Variants in ESYT3 observed in about 807,000 individuals in gnomAD.
ESYT3 encodes extended synaptotagmin 3.
ESYT3 carries 101 observed loss-of-function variants against 111.5 expected under a neutral mutation model. The observed-to-expected ratio is 0.91, with a 90% CI of 0.77 to 1.07. The LOEUF (loss-of-function observed/expected upper bound fraction) is 1.07, where lower values mean the gene tolerates loss of function less well. Among genes scored for constraint, ESYT3 ranks in the 50% least tolerant of loss-of-function variants. ESYT3 has a pLI of 0.00. For synonymous variants in ESYT3, 416 were observed against 446.8 expected (o/e 0.93, Z 0.87); for missense variants, 1,097 against 1,109.4 (o/e 0.99, Z 0.16).
chr3:138,439,605 G>T (rs1402842530), intron 1 of ESYT3, among the ~76,000 whole-genome samples: 1 of 152,158 alleles, frequency 6.6e-6, no homozygotes, highest in African/African-American at 2.4e-5. Context: ...TCACTGACCC[G>T]TGAATTTCCA....
At chr3:138,438,898 G>A (rs1238193069) in intron 1 of ESYT3, among the ~76,000 whole-genome samples, 1 of 152,178 alleles carries the variant, frequency 6.6e-6, no homozygotes, top group Admixed American at 6.5e-5. Context: ...AAGAAGGCAG[G>A]GTGGCCCCCG....
At chr3:138,470,568 C>T in intron 16 of ESYT3, 2 of 1,166,044 alleles carry the variant, frequency 1.7e-6, no homozygotes, top group Non-Finnish European at 1.1e-6. Flanking sequence ...GAGCTGGGAT[C>T]TTTTAGGGCC....
rs184415371 is a variant in ESYT3, at chr3:138,436,935, G to A, written c.327+1810G>A. On this transcript the variant is annotated intron_variant, in intron 1 of 22. Coordinates refer to ENST00000389567, the MANE Select transcript of ESYT3 (RefSeq NM_031913.5). ...GATATTGGGTCAAAAATCAGATCGT[G>A]TAGGGGCGTGGACACCCTCCCTGCC... Among the ~76,000 whole-genome samples, 6 of 152,302 alleles carry A rather than the reference G, an allele frequency of 3.9e-5. No individual in the cohort carries two copies. The East Asian group carries it at 1.2e-3, about 29-fold the overall frequency.
intron 7 of ESYT3, among the ~76,000 whole-genome samples, chr3:138,461,113 A>G (rs969369968): frequency 6.6e-6 from 1 of 152,200 alleles, no homozygotes; most frequent in African/African-American, 2.4e-5. Context: ...CTTCCTCAGT[A>G]AAAGGGGAGC....
Position 138,476,880 on chromosome 3 carries a change from T to C in ESYT3, c.*26T>C. 1 of 1,605,004 alleles carries C rather than the reference T, an allele frequency of 6.2e-7. No homozygotes were observed. The highest frequency in any genetic ancestry group is 1.1e-5 in the South Asian group (1 of 90,776). ...TGATGAGAATTCTTATCACTCACCT[T>C]TATATTAAAATGTATATATATGTAT... On this transcript the variant is annotated 3_prime_UTR_variant, in exon 23 of 23. Coordinates refer to ENST00000389567, the MANE Select transcript of ESYT3 (RefSeq NM_031913.5).
intron 22 of ESYT3, 143 bp from the exon 23 acceptor site, chr3:138,476,675 C>A: frequency 9.3e-7 from 1 of 1,071,342 alleles, no homozygotes; most frequent in Non-Finnish European, 1.4e-6. Flanking sequence ...TAGCCTTAAC[C>A]CTGAACCCTG....
chr3:138,451,902 G>A, intron 1 of ESYT3, 146 bp from the exon 2 acceptor site: 2 of 830,888 alleles, frequency 2.4e-6, no homozygotes, highest in Non-Finnish European at 4.0e-6. Flanking sequence ...TGCGGAGAGC[G>A]CACCTGTGAC....
intron 3 of ESYT3, among the ~76,000 whole-genome samples, chr3:138,456,433 G>T (rs1403782985): frequency 6.6e-6 from 1 of 152,192 alleles, no homozygotes; most frequent in African/African-American, 2.4e-5. Context: ...GGCTTTTGAA[G>T]AATTCAGCAG....
At chr3:138,453,095 C>T (rs560790677) in intron 2 of ESYT3, among the ~76,000 whole-genome samples, 1 of 152,278 alleles carries the variant, frequency 6.6e-6, no homozygotes, top group South Asian at 2.1e-4. Context: ...CATTCTCAGC[C>T]TCTGGGTAAA....
downstream of ESYT3, chr3:138,480,971 G>A (rs534838330): frequency 6.6e-6 from 1 of 152,304 alleles, no homozygotes; most frequent in East Asian, 1.9e-4. Flanking sequence ...AGGTAGCACT[G>A]TGAACAAAGG....
chr3:138,468,199 G>A lies in ESYT3; in HGVS notation c.1308+5G>A, dbSNP rs2033030592. 2 of 1,613,972 alleles carry A rather than the reference G, an allele frequency of 1.2e-6. No homozygotes were observed. The highest frequency in any genetic ancestry group is 1.1e-5 in the South Asian group (1 of 91,090). On this transcript the variant is annotated splice_donor_5th_base_variant and intron_variant, in intron 12 of 22. Coordinates refer to ENST00000389567, the MANE Select transcript of ESYT3 (RefSeq NM_031913.5). The stretch of plus-strand genomic sequence containing the variant: ...GACCAAGAAGTTCTGACTGAGGTGA[G>A]TGTGGGGTGTCAAGGGCTCCCTTGC...
chr3:138,467,517 T>G (rs369426476), intron 10 of ESYT3, 44 bp from the exon 11 acceptor site: 18 of 1,606,816 alleles, frequency 1.1e-5, no homozygotes, highest in Non-Finnish European at 1.4e-5. Context: ...TCTGCTGCTT[T>G]CTTCCTCTGA....
chr3:138,439,251 T>C (rs1489096074), intron 1 of ESYT3, among the ~76,000 whole-genome samples: 1 of 152,180 alleles, frequency 6.6e-6, no homozygotes, highest in Non-Finnish European at 1.5e-5. Flanking sequence ...TTTCCTAATA[T>C]GAAATGAATG....
intron 18 of ESYT3, 41 bp from the exon 19 acceptor site, chr3:138,473,495 G>C: frequency 1.3e-6 from 2 of 1,575,452 alleles, no homozygotes; most frequent in African/African-American, 1.3e-5. Flanking sequence ...GAGGGCCAAT[G>C]CTTGTTATGG....
At chr3:138,436,384 A>G (rs750928703) in intron 1 of ESYT3, among the ~76,000 whole-genome samples, 4 of 152,178 alleles carry the variant, frequency 2.6e-5, no homozygotes, top group Non-Finnish European at 5.9e-5. Context: ...TATTGGATTA[A>G]GGCTCACCCT....
chr3:138,462,734 C>G (rs1576452680), intron 8 of ESYT3, among the ~76,000 whole-genome samples: 1 of 152,226 alleles, frequency 6.6e-6, no homozygotes, highest in Non-Finnish European at 1.5e-5. Flanking sequence ...ACAATCACAG[C>G]TCACTGCAGC....
Position 138,477,020 on chromosome 3 carries a change from C to CTAT in ESYT3, c.*167_*168insATT. 2.0e-6 allele frequency: 1 copy of CTAT among 503,956 alleles called. No individual in the cohort carries two copies. The highest frequency in any genetic ancestry group is 3.4e-6 in the Non-Finnish European group (1 of 291,128). The allele number at this position is 503,956 out of a possible 1,614,324, so 31.2% of individuals were successfully genotyped here. ...TCTTGTGTGGAATTTAACTCCATGACTGAATAGCATAAGGAAGAGGTTATT... is the reference window on the plus strand; with the variant it reads ...TCTTGTGTGGAATTTAACTCCATGACTATTGAATAGCATAAGGAAGAGGTTATT... On this transcript the variant is annotated 3_prime_UTR_variant, in exon 23 of 23. Transcript: ENST00000389567.
At chr3:138,443,357 A>G (rs1350299925) in intron 1 of ESYT3, among the ~76,000 whole-genome samples, 1 of 152,256 alleles carries the variant, frequency 6.6e-6, no homozygotes. Context: ...TTGCCTTCCA[A>G]GAACAGAGGA....
intron 2 of ESYT3, among the ~76,000 whole-genome samples, chr3:138,454,409 T>C (rs1021040542): frequency 5.9e-5 from 9 of 151,932 alleles, no homozygotes; most frequent in Admixed American, 1.3e-4. Flanking sequence ...ATTAAAAAAA[T>C]TCACTGGGTG....
Sources: allele counts gnomAD v4.1 joint callset (sites outside exome capture counted in the v4.1 genomes callset), GRCh38; gene constraint gnomAD v4.1.1; transcripts MANE v1.5; gene names NCBI Gene and HGNC (gene_info 2026-07-23, HGNC 2026-07-21).